The following ATRIP variants were observed in gnomAD, a reference collection of about 807,000 sequenced individuals.
The protein encoded by ATRIP is ATR-interacting protein.
In ATRIP, 44 loss-of-function variants were observed where a neutral mutation model predicts 78.1. The observed-to-expected ratio is 0.56, with a 90% confidence interval of 0.44 to 0.72. ATRIP has a LOEUF of 0.72. ATRIP is among the 30% of genes least tolerant of loss of function. ATRIP has a pLI of 0.00. For missense variants in ATRIP, 927 were observed against 980.2 expected, an observed-to-expected ratio of 0.95 and a Z score of 0.72; for synonymous variants, 388 against 408.9, an observed-to-expected ratio of 0.95 and a Z score of 0.62.
rs1424706594 is a variant in ATRIP at position 48,467,189 on chromosome 3, C to T, written c.*1635C>T. On this transcript the variant is annotated 3_prime_UTR_variant, in exon 13 of 13. Coordinates refer to ENST00000320211, the MANE Select transcript of ATRIP (RefSeq NM_130384.3). ...AACACGGCCCAAGGAAGAGCTATAGCCTAGGCAGCATCTACACTCGCCTGT... is the reference window on the plus strand; with the variant it reads ...AACACGGCCCAAGGAAGAGCTATAGTCTAGGCAGCATCTACACTCGCCTGT... The T allele has an allele frequency of 6.2e-7, 1 of 1,613,916 alleles. No individual in the cohort carries two copies. Among genetic ancestry groups the T allele is most frequent in the Non-Finnish European group, 8.5e-7 (1 of 1,179,962 alleles).
intron 4 of ATRIP, among the ~76,000 whole-genome samples, chr3:48,455,784 C>T (rs2039940450): frequency 6.6e-6 from 1 of 151,944 alleles, no homozygotes; most frequent in African/African-American, 2.4e-5. Flanking sequence ...AAGGGTGAGC[C>T]ACTGTGCCCA....
rs2040289034 is a variant in ATRIP at position 48,466,262 on chromosome 3, G to GGCAGCC, written c.*709_*710insCAGCCG. On this transcript the variant is annotated 3_prime_UTR_variant, in exon 13 of 13. Coordinates refer to ENST00000320211, the MANE Select transcript of ATRIP (RefSeq NM_130384.3). The stretch of plus-strand genomic sequence containing the variant: ...GCCACTGCTGCCAGCGAGAGCCGCG[G>GGCAGCC]GAGAGTGTGCAGCCGAGTCACTACT... The GGCAGCC allele has an allele frequency of 1.3e-5, 8 of 621,534 alleles. No individual in the cohort carries two copies. The highest frequency in any genetic ancestry group is 5.5e-5 in the African/African-American group (3 of 54,892). The allele number at this position is 621,534 out of a possible 1,614,324, so 38.5% of individuals were successfully genotyped here.
At chr3:48,464,772 A>G in intron 11 of ATRIP, 59 bp from the exon 12 acceptor site, 1 of 1,601,478 alleles carries the variant, frequency 6.2e-7, no homozygotes, top group Non-Finnish European at 8.5e-7. Flanking sequence ...GGCTGAGCGG[A>G]TTGTTAGGGT....
At chr3:48,465,198 C>T in intron 12 of ATRIP, 115 bp downstream of exon 12, 16 of 1,362,048 alleles carry the variant, frequency 1.2e-5, no homozygotes, top group Admixed American at 4.4e-5. Context: ...CAGCCTGTTC[C>T]AGCACTGGGG....
intron 2 of ATRIP, chr3:48,450,520 C>CAG (rs1444225143): frequency 1.5e-6 from 2 of 1,291,680 alleles, no homozygotes; most frequent in Admixed American, 4.6e-5. Context: ...CACTTCATAT[C>CAG]ACCATCTGTA....
chr3:48,449,996 A>C (rs200108415), intron 1 of ATRIP, 41 bp from the exon 2 acceptor site: 1 of 1,548,548 alleles, frequency 6.5e-7, no homozygotes, highest in Non-Finnish European at 8.7e-7. Flanking sequence ...AAAGTGGGAA[A>C]ATATTGGGTC....
intron 1 of ATRIP, among the ~76,000 whole-genome samples, chr3:48,449,791 A>G (rs1232048873): frequency 6.7e-6 from 1 of 149,964 alleles, no homozygotes; most frequent in Non-Finnish European, 1.5e-5. Flanking sequence ...AAAAAAAAAA[A>G]GCCAGGCATG....
rs141656289 is a variant in ATRIP, at chr3:48,456,998, T to A, written c.672-261T>A. ...TGGGTGGATCACTTGAGCTCAGCAG[T>A]TCCAGACCAGCCTGGGTAACTTAGT... On this transcript the variant is annotated intron_variant, in intron 4 of 12. Transcript: ENST00000320211. 5.6e-3 allele frequency among the ~76,000 whole-genome samples: 854 copies of A among 152,276 alleles called. 6 individuals carry two copies. The highest frequency in any genetic ancestry group is 0.02 in the African/African-American group (817 of 41,546).
In ATRIP at chr3:48,459,917, G is replaced by A. The variant is rs758021819; in HGVS notation, c.1055+1G>A. The A allele has an allele frequency of 6.2e-7, 1 of 1,609,064 alleles. No homozygotes were observed. Among genetic ancestry groups the A allele is most frequent in the Non-Finnish European group, 8.5e-7 (1 of 1,178,592 alleles). Reference sequence around the variant, plus strand: ...CCCTGCAGCCACCAGGGTTTGGCAGGTAAGCATAAGACTCCTGGAAAGCTT... The same window carrying A: ...CCCTGCAGCCACCAGGGTTTGGCAGATAAGCATAAGACTCCTGGAAAGCTT... On this transcript the variant is annotated splice_donor_variant, in intron 7 of 12. Transcript: ENST00000320211. LOFTEE classifies it high-confidence loss of function.
At position 48,459,903 on chromosome 3, in the gene ATRIP, C is replaced by A; in HGVS notation, c.1042C>A (p.Pro348Thr). 6.2e-7 allele frequency: 1 copy of A among 1,612,190 alleles called. No individual in the cohort carries two copies. Among genetic ancestry groups the A allele is most frequent in the South Asian group, 1.1e-5 (1 of 90,732 alleles). The change falls in exon 7 of 13, where the codon CCA becomes ACA. Residue 348 changes from proline (P) to threonine (T), a missense_variant. Transcript: ENST00000320211. ...ESPAGTPLQPPGFGSTLAGMS... is the reference protein window; with the variant it reads ...ESPAGTPLQPTGFGSTLAGMS... ...TCCTGCTGGCACCCCCCTGCAGCCA[C>A]CAGGGTTTGGCAGGTAAGCATAAGA... is the stretch of plus-strand genomic sequence containing the variant.
rs769486915 is a variant in ATRIP at position 48,467,526 on chromosome 3, C to A, written c.*1972C>A. On this transcript the variant is annotated 3_prime_UTR_variant, in exon 13 of 13. Coordinates refer to ENST00000320211, the MANE Select transcript of ATRIP (RefSeq NM_130384.3). ...ATCCAGGGAGGGGCTGCTGGCCCCA[C>A]TGGGTCTGCTGGCCATCCTGACCTT... 2 of 1,613,660 alleles carry A rather than the reference C, an allele frequency of 1.2e-6. No homozygotes were observed. The highest frequency in any genetic ancestry group is 3.3e-5 in the Admixed American group (2 of 60,024).
At chr3:48,464,728 G>T (rs563604601) in intron 11 of ATRIP, 66 bp downstream of exon 11, 1 of 1,610,802 alleles carries the variant, frequency 6.2e-7, no homozygotes, top group South Asian at 1.1e-5. Flanking sequence ...AGGACTGTAG[G>T]CCCCACTGCA....
intron 5 of ATRIP, 76 bp from the exon 6 acceptor site, chr3:48,459,283 C>T: frequency 3.2e-6 from 4 of 1,239,848 alleles, no homozygotes; most frequent in Non-Finnish European, 4.7e-6. Flanking sequence ...GTGTTTTAAA[C>T]TCATTGCATG....
chr3:48,460,470 A>T lies in ATRIP; in HGVS notation c.1416A>T (p.Glu472Asp). The part of the protein sequence containing the change: ...TNPEDSVCIL[E>D]GFSVTALSIL... ...CTGAGGACTCAGTGTGCATCCTGGA[A>T]GGCTTCTCTGTGACTGCACTTAGCA... is the stretch of plus-strand genomic sequence containing the variant. Residue 472 changes from glutamate to aspartate, a missense_variant, in exon 8 of 13, where the codon GAA (glutamate) becomes GAT (aspartate). Glu to Asp is a conservative substitution (Grantham distance 45). Transcript: ENST00000320211. 1 of 1,610,946 alleles carries T rather than the reference A, an allele frequency of 6.2e-7. No homozygotes were observed. Among genetic ancestry groups the T allele is most frequent in the Non-Finnish European group, 8.5e-7 (1 of 1,178,226 alleles).
intron 2 of ATRIP, chr3:48,450,657 G>A (rs1477452538): frequency 1.3e-6 from 1 of 766,666 alleles, no homozygotes; most frequent in East Asian, 6.5e-5. Context: ...CACAATCTTG[G>A]CTCACTTCAA....
chr3:48,461,775 G>T (rs961347655), intron 8 of ATRIP, among the ~76,000 whole-genome samples: 7 of 152,130 alleles, frequency 4.6e-5, no homozygotes, highest in Non-Finnish European at 8.8e-5. Context: ...TGCGATCTCG[G>T]CTCACTGCAA....
At position 48,466,567 on chromosome 3, in the gene ATRIP, C is replaced by G. The variant is rs1402496865; in HGVS notation, c.*1013C>G. 3 of 1,613,850 alleles carry G rather than the reference C, an allele frequency of 1.9e-6. No individual in the cohort carries two copies. Among genetic ancestry groups the G allele is most frequent in the African/African-American group, 2.7e-5 (2 of 74,908 alleles). ...ATGTGCTTCTGCCCACCCCCTACCC[C>G]ACTCCCTCCCCTTCGGATCTTAACA... On this transcript the variant is annotated 3_prime_UTR_variant, in exon 13 of 13. Coordinates refer to ENST00000320211, the MANE Select transcript of ATRIP (RefSeq NM_130384.3).
rs749549109 is a variant in ATRIP, at chr3:48,467,351, G to T, written c.*1797G>T. 4 of 1,614,074 alleles carry T rather than the reference G, an allele frequency of 2.5e-6. No individual in the cohort carries two copies. The highest frequency in any genetic ancestry group is 3.4e-6 in the Non-Finnish European group (4 of 1,180,056). ...GGCCTTTCGGCACCATCAGGCCCAT[G>T]TATGGGGTCACAGCCTCTGCTAGGA... On this transcript the variant is annotated 3_prime_UTR_variant, in exon 13 of 13. Coordinates refer to ENST00000320211, the MANE Select transcript of ATRIP (RefSeq NM_130384.3).
chr3:48,457,687 C>G (rs1377080036), intron 5 of ATRIP, among the ~76,000 whole-genome samples: 1 of 152,122 alleles, frequency 6.6e-6, no homozygotes, highest in Non-Finnish European at 1.5e-5. Context: ...TGGTGGGTGG[C>G]TTCCTCTAAA....
Sources: allele counts gnomAD v4.1 joint callset (sites outside exome capture counted in the v4.1 genomes callset), GRCh38; gene constraint gnomAD v4.1.1; transcripts MANE v1.5; gene names NCBI Gene and HGNC (gene_info 2026-07-23, HGNC 2026-07-21).